Variants in DHX57 observed in about 807,000 individuals in gnomAD.
DHX57 encodes the protein putative ATP-dependent RNA helicase DHX57.
A neutral mutation model predicts 156.2 loss-of-function variants in DHX57; 105 were observed. The observed-to-expected ratio is 0.67, with a 90% CI of 0.57 to 0.79. The LOEUF is 0.79. DHX57 is among the 30% of genes least tolerant of loss of function. The pLI, the probability that DHX57 is intolerant of heterozygous loss-of-function variation, is 0.00. For synonymous variants in DHX57, 704 were observed against 595.6 expected (o/e 1.18, Z -2.65); for missense variants, 1,847 against 1,661.9 (o/e 1.11, Z -1.94).
At chr2:38,819,532 G>A (rs1670711284) in intron 17 of DHX57, among the ~76,000 whole-genome samples, 1 of 152,196 alleles carries the variant, frequency 6.6e-6, no homozygotes, top group Admixed American at 6.5e-5. Context: ...GCTAAAGCCA[G>A]ATGCCTTGGG....
At chr2:38,854,454 G>A (rs1164550678) in intron 8 of DHX57, 1 of 215,924 alleles carries the variant, frequency 4.6e-6, no homozygotes, top group Non-Finnish European at 9.1e-6. Context: ...TGGTTAAATG[G>A]ATTATGTCCC....
chr2:38,867,749 G>A (rs1051145983), intron 2 of DHX57, among the ~76,000 whole-genome samples: 2 of 152,024 alleles, frequency 1.3e-5, no homozygotes, highest in Admixed American at 1.3e-4. Flanking sequence ...GTAGAGACAG[G>A]ATTTCACCCT....
intron 21 of DHX57, among the ~76,000 whole-genome samples, chr2:38,807,525 T>G (rs1477489212): frequency 6.6e-6 from 1 of 151,218 alleles, no homozygotes; most frequent in Non-Finnish European, 1.5e-5. Flanking sequence ...ACCCGGCTAA[T>G]TTTTTGTATT....
intron 21 of DHX57, among the ~76,000 whole-genome samples, chr2:38,809,486 G>A (rs954812002): frequency 6.7e-6 from 1 of 150,006 alleles, no homozygotes; most frequent in Non-Finnish European, 1.5e-5. Flanking sequence ...TTTTTAGACG[G>A]AGTCTTGCTC....
intron 2 of DHX57, among the ~76,000 whole-genome samples, chr2:38,865,730 T>C (rs1015218740): frequency 6.6e-6 from 1 of 152,198 alleles, no homozygotes; most frequent in Non-Finnish European, 1.5e-5. Context: ...ACCTTCTCTA[T>C]TCGATTTTAT....
At chr2:38,801,471 G>A (rs1053402771) in intron 23 of DHX57, among the ~76,000 whole-genome samples, 1 of 152,170 alleles carries the variant, frequency 6.6e-6, no homozygotes, top group Non-Finnish European at 1.5e-5. Context: ...GTGCAGTGGT[G>A]CAATCTCGGC....
Position 38,860,995 on chromosome 2 carries a change from A to G in DHX57, c.1411+4T>C, listed in dbSNP as rs766155367. On this transcript the variant is annotated splice_donor_region_variant and intron_variant, in intron 5 of 23. Coordinates refer to ENST00000457308, the MANE Select transcript of DHX57 (RefSeq NM_198963.3). The stretch of plus-strand genomic sequence containing the variant: ...TCCCTCCACAAGATCAATGCCTTAC[A>G]TACCTTCTGGAATTTGATTAGAAAC... The G allele has an allele frequency of 1.2e-6, 2 of 1,610,214 alleles. No homozygotes were observed. The highest frequency in any genetic ancestry group is 1.3e-5 in the African/African-American group (1 of 74,950).
At chr2:38,821,591 G>T (rs781633831) in intron 17 of DHX57, among the ~76,000 whole-genome samples, 9 of 152,140 alleles carry the variant, frequency 5.9e-5, no homozygotes, top group Non-Finnish European at 1.0e-4. Context: ...TACTCGGGAG[G>T]CTGAGGCAGG....
At chr2:38,802,656 C>G in intron 23 of DHX57, 59 bp downstream of exon 23, 1 of 1,597,048 alleles carries the variant, frequency 6.3e-7, no homozygotes, top group Non-Finnish European at 8.5e-7. Flanking sequence ...TTCATAACTT[C>G]ATATTGTCAA....
chr2:38,826,025 C>T lies in DHX57; in HGVS notation c.2836G>A (p.Glu946Lys). 1 of 1,614,040 alleles carries T rather than the reference C, an allele frequency of 6.2e-7. No individual in the cohort carries two copies. Among genetic ancestry groups the T allele is most frequent in the South Asian group, 1.1e-5 (1 of 91,068 alleles). Residue 946 changes from glutamate (E) to lysine (K), a missense_variant, in exon 16 of 24, where the codon GAA becomes AAA. Glu to Lys is a moderately conservative substitution (Grantham distance 56, BLOSUM62 1). Coordinates refer to ENST00000457308, the MANE Select transcript of DHX57 (RefSeq NM_198963.3). ...GATACAAAGGTGTCCTCTAGACTTT[C>T]CATCCCTTTGCTGGCATCATATCTA... ...EKRYDASKGMESLEDTFVSQA... is the reference protein window; with the variant it reads ...EKRYDASKGMKSLEDTFVSQA...
At position 38,798,209 on chromosome 2, in the gene DHX57, A is replaced by G. The variant is rs368281818; in HGVS notation, c.*90T>C. On this transcript the variant is annotated 3_prime_UTR_variant, in exon 24 of 24. Transcript: ENST00000457308. ...GGCTCCTCCACCAGGGCCAGCCCCA[A>G]TAGGTCTTTAGTTCGAGGTAGAGGT... is the stretch of plus-strand genomic sequence containing the variant. The G allele has an allele frequency of 3.2e-5, 48 of 1,520,880 alleles. No homozygotes were observed. Among genetic ancestry groups the G allele is most frequent in the Middle Eastern group, 3.6e-4 (2 of 5,598 alleles). The allele number at this position is 1,520,880 out of a possible 1,614,324, so 94.2% of individuals were successfully genotyped here.
chr2:38,860,441 C>A (rs940664703), intron 5 of DHX57, among the ~76,000 whole-genome samples: 1 of 151,984 alleles, frequency 6.6e-6, no homozygotes, highest in African/African-American at 2.4e-5. Flanking sequence ...AAGAGTGAAA[C>A]TCCATCTTAA....
At chr2:38,848,503 T>TG in intron 9 of DHX57, 101 bp from the exon 10 acceptor site, 2 of 1,235,064 alleles carry the variant, frequency 1.6e-6, no homozygotes, top group East Asian at 4.8e-5. Flanking sequence ...AAGATCTCTG[T>TG]GAAAAAAAAA....
chr2:38,858,299 T>C (rs1027108784), intron 6 of DHX57, among the ~76,000 whole-genome samples: 1 of 152,162 alleles, frequency 6.6e-6, no homozygotes, highest in African/African-American at 2.4e-5. Flanking sequence ...TGACCTCAGG[T>C]GATCTGCCTA....
At position 38,798,528 on chromosome 2, in the gene DHX57, A is replaced by G. The variant is rs1336601904; in HGVS notation, c.4018-86T>C. 2.0e-5 allele frequency: 28 copies of G among 1,416,620 alleles called. No homozygotes were observed. The Middle Eastern group carries it at 5.6e-4, about 28-fold the overall frequency. The allele number at this position is 1,416,620 out of a possible 1,614,324, so 87.8% of individuals were successfully genotyped here. Reference sequence around the variant, plus strand: ...GGGAAATACCCAAGTTATGATTACCATTATTTAGATTTCTGGTACTAATTT... The same window carrying G: ...GGGAAATACCCAAGTTATGATTACCGTTATTTAGATTTCTGGTACTAATTT... On this transcript the variant is annotated intron_variant, in intron 23 of 23. Coordinates refer to ENST00000457308, the MANE Select transcript of DHX57 (RefSeq NM_198963.3).
chr2:38,866,448 A>G (rs1421682735), intron 2 of DHX57, among the ~76,000 whole-genome samples: 1 of 152,134 alleles, frequency 6.6e-6, no homozygotes, highest in Non-Finnish European at 1.5e-5. Flanking sequence ...TTCACGTGAT[A>G]CCTTATTAGG....
chr2:38,813,091 C>T lies in DHX57; in HGVS notation c.3681+730G>A, dbSNP rs112025287. ...TTAAACTCCTGACTTCGTGATCTGCCCAACTCGGCTTCCCAAAGTGTTGGG... is the reference window on the plus strand; with the variant it reads ...TTAAACTCCTGACTTCGTGATCTGCTCAACTCGGCTTCCCAAAGTGTTGGG... On this transcript the variant is annotated intron_variant, in intron 21 of 23. Transcript: ENST00000457308. 4.3e-3 allele frequency among the ~76,000 whole-genome samples: 660 copies of T among 152,112 alleles called. 5 individuals carry two copies. The highest frequency in any genetic ancestry group is 0.015 in the African/African-American group (634 of 41,474).
At position 38,837,816 on chromosome 2, in the gene DHX57, T is replaced by G. The variant is rs746585046; in HGVS notation, c.2542+15A>C. 6.8e-7 allele frequency: 1 copy of G among 1,477,912 alleles called. No individual in the cohort carries two copies. The highest frequency in any genetic ancestry group is 9.5e-7 in the Non-Finnish European group (1 of 1,057,300). 91.5% of individuals were successfully genotyped at this position (1,477,912 alleles called of 1,614,324 possible). On this transcript the variant is annotated intron_variant, in intron 13 of 23. Coordinates refer to ENST00000457308, the MANE Select transcript of DHX57 (RefSeq NM_198963.3). ...GTTTCAATTGTCATTCAAGCCTTAATAAAGAAGCAGTTACCTGGAGGGTAG... is the reference window on the plus strand; with the variant it reads ...GTTTCAATTGTCATTCAAGCCTTAAGAAAGAAGCAGTTACCTGGAGGGTAG...
intron 21 of DHX57, chr2:38,811,170 T>C (rs1249697917): frequency 2.0e-6 from 1 of 506,278 alleles, no homozygotes; most frequent in African/African-American, 1.9e-5. Context: ...GGGATGGGAA[T>C]CCCATGTTTC....
Sources: gnomAD v4.1 joint callset for allele counts (sites outside exome capture counted in the v4.1 genomes callset) on GRCh38, gnomAD v4.1.1 for gene constraint, MANE v1.5 for transcripts, NCBI Gene and HGNC (gene_info 2026-07-23, HGNC 2026-07-21) for gene names.